The following RNF180 variants were observed in gnomAD, a reference collection of about 807,000 sequenced individuals.
The protein encoded by RNF180 is ring finger protein 180.
RNF180 carries 38 observed loss-of-function variants against 59.2 expected under a neutral mutation model. That is an observed-to-expected ratio of 0.64 (90% CI 0.50 to 0.84). The LOEUF is 0.84. RNF180 is among the 40% of genes least tolerant of loss of function. The pLI, the probability that RNF180 is intolerant of heterozygous loss-of-function variation, is 0.00. For missense variants in RNF180, 705 were observed against 700.9 expected (o/e 1.01, Z -0.07); for synonymous variants, 262 against 240.3 (o/e 1.09, Z -0.84).
At chr5:64,339,723 C>T (rs755798496) in intron 7 of RNF180, among the ~76,000 whole-genome samples, 2 of 151,196 alleles carry the variant, frequency 1.3e-5, no homozygotes, top group African/African-American at 4.9e-5. Context: ...CACAAAATTG[C>T]GAAGACAAAC....
chr5:64,323,069 A>G (rs1297674982), intron 5 of RNF180, among the ~76,000 whole-genome samples: 1 of 152,216 alleles, frequency 6.6e-6, no homozygotes, highest in Non-Finnish European at 1.5e-5. Flanking sequence ...GCAGAAGAAT[A>G]AAATATAGTT....
At chr5:64,347,003 TAAAAG>T (rs887977136) in intron 7 of RNF180, among the ~76,000 whole-genome samples, 1 of 152,192 alleles carries the variant, frequency 6.6e-6, no homozygotes, top group African/African-American at 2.4e-5. Flanking sequence ...ATGTTATAAA[TAAAAG>T]AGACGAACAG....
intron 5 of RNF180, among the ~76,000 whole-genome samples, chr5:64,316,462 A>C (rs1404423039): frequency 6.6e-6 from 1 of 152,228 alleles, no homozygotes; most frequent in African/African-American, 2.4e-5. Flanking sequence ...TTAATTGCAG[A>C]GGACAATGTG....
intron 5 of RNF180, among the ~76,000 whole-genome samples, chr5:64,291,744 A>G (rs1480822171): frequency 6.6e-6 from 1 of 151,982 alleles, no homozygotes; most frequent in Non-Finnish European, 1.5e-5. Flanking sequence ...ATGTTTTCTA[A>G]TATGGTTCCA....
intron 3 of RNF180, among the ~76,000 whole-genome samples, chr5:64,212,885 T>C (rs1580011914): frequency 6.6e-6 from 1 of 152,210 alleles, no homozygotes; most frequent in South Asian, 2.1e-4. Flanking sequence ...TTGATAGATA[T>C]CCCTTTTCAC....
intron 5 of RNF180, among the ~76,000 whole-genome samples, chr5:64,312,312 A>G (rs777472144): frequency 4.6e-5 from 7 of 152,076 alleles, no homozygotes; most frequent in Non-Finnish European, 1.0e-4. Flanking sequence ...CTGGAGACTA[A>G]TTAGAGTTCC....
chr5:64,361,887 T>C (rs1271742793), intron 7 of RNF180, among the ~76,000 whole-genome samples: 2 of 151,376 alleles, frequency 1.3e-5, no homozygotes, highest in Non-Finnish European at 3.0e-5. Context: ...TCCTGTACCA[T>C]GCATTTTAAA....
At chr5:64,358,394 C>T (rs1356287651) in intron 7 of RNF180, among the ~76,000 whole-genome samples, 1 of 151,782 alleles carries the variant, frequency 6.6e-6, no homozygotes, top group Non-Finnish European at 1.5e-5. Flanking sequence ...TAATCAGAGA[C>T]TAGAATATTT....
chr5:64,355,100 A>G (rs116068496), intron 7 of RNF180, among the ~76,000 whole-genome samples: 1,618 of 152,040 alleles, frequency 0.011, 10 homozygotes, highest in Non-Finnish European at 0.016. Context: ...AAATAAATAA[A>G]TAAAAGGCAT....
intron 5 of RNF180, among the ~76,000 whole-genome samples, chr5:64,252,694 A>G (rs1430805059): frequency 2.0e-5 from 3 of 152,160 alleles, no homozygotes; most frequent in Non-Finnish European, 4.4e-5. Context: ...CTGAGCATGG[A>G]AAACTAAACT....
intron 6 of RNF180, among the ~76,000 whole-genome samples, chr5:64,328,880 G>A (rs1744769554): frequency 6.6e-6 from 1 of 152,174 alleles, no homozygotes; most frequent in East Asian, 1.9e-4. Flanking sequence ...AGTAAGAGGG[G>A]ATGGTTGATG....
At chr5:64,256,129 A>T (rs1242929497) in intron 5 of RNF180, among the ~76,000 whole-genome samples, 1 of 151,556 alleles carries the variant, frequency 6.6e-6, no homozygotes, top group African/African-American at 2.4e-5. Context: ...GATTGCAAAA[A>T]TTTTCTCCCA....
intron 7 of RNF180, among the ~76,000 whole-genome samples, chr5:64,368,055 G>T (rs1746518852): frequency 6.6e-6 from 1 of 151,630 alleles, no homozygotes; most frequent in Non-Finnish European, 1.5e-5. Context: ...TGTATTTCAT[G>T]ATGTAATATT....
intron 7 of RNF180, among the ~76,000 whole-genome samples, chr5:64,339,200 C>G (rs1049064795): frequency 1.3e-5 from 2 of 151,834 alleles, no homozygotes; most frequent in African/African-American, 2.4e-5. Flanking sequence ...TGAGAATTGT[C>G]TATTGTATCT....
chr5:64,207,501 G>C (rs1479446536), intron 2 of RNF180, among the ~76,000 whole-genome samples: 2 of 152,076 alleles, frequency 1.3e-5, no homozygotes, highest in Non-Finnish European at 2.9e-5. Flanking sequence ...TAGAAAGTTG[G>C]GTGTTGTTCA....
intron 7 of RNF180, among the ~76,000 whole-genome samples, chr5:64,335,966 T>C (rs1163664381): frequency 2.0e-5 from 3 of 152,194 alleles, no homozygotes; most frequent in African/African-American, 2.4e-5. Flanking sequence ...TTTATAAATA[T>C]CTCGCACATC....
intron 5 of RNF180, among the ~76,000 whole-genome samples, chr5:64,231,331 GAC>G (rs1169323473): frequency 2.0e-5 from 3 of 152,176 alleles, no homozygotes; most frequent in African/African-American, 7.2e-5. Context: ...TAATGACAAA[GAC>G]AATAGATTTC....
At chr5:64,336,098 C>T (rs2112551698) in intron 7 of RNF180, among the ~76,000 whole-genome samples, 1 of 152,206 alleles carries the variant, frequency 6.6e-6, no homozygotes, top group Non-Finnish European at 1.5e-5. Context: ...ATCACTGTTC[C>T]ACATACTCAT....
chr5:64,242,110 G>C (rs1273745209), intron 5 of RNF180, among the ~76,000 whole-genome samples: 1 of 152,154 alleles, frequency 6.6e-6, no homozygotes, highest in South Asian at 2.1e-4. Flanking sequence ...ACAATCCAGT[G>C]CTATGCTGTT....
Sources: allele counts gnomAD v4.1 joint callset (sites outside exome capture counted in the v4.1 genomes callset), GRCh38; gene constraint gnomAD v4.1.1; transcripts MANE v1.5; gene names NCBI Gene and HGNC (gene_info 2026-07-23, HGNC 2026-07-21).